The following GRM7 variants were observed in gnomAD, a reference collection of about 807,000 sequenced individuals.
GRM7 encodes the protein metabotropic glutamate receptor 7.
A neutral mutation model predicts 84.5 loss-of-function variants in GRM7; 35 were observed. That is an observed-to-expected ratio of 0.41 (90% CI 0.32 to 0.55). The LOEUF (loss-of-function observed/expected upper bound fraction) is 0.55, where lower values mean the gene tolerates loss of function less well. Ranked by LOEUF, GRM7 falls within the 20% of genes least tolerant of loss-of-function variation. The pLI is 0.19. For missense variants in GRM7, 1,003 were observed against 1,194.6 expected (o/e 0.84, Z 2.36); for synonymous variants, 487 against 455.1 (o/e 1.07, Z -0.89).
chr3:7,360,777 A>G (rs1190719848), intron 4 of GRM7, among the ~76,000 whole-genome samples: 1 of 152,136 alleles, frequency 6.6e-6, no homozygotes, highest in Non-Finnish European at 1.5e-5. Flanking sequence ...TCAAAATGTG[A>G]TAAAGAATGT....
At chr3:7,310,121 G>A (rs1700339636) in intron 4 of GRM7, among the ~76,000 whole-genome samples, 1 of 152,134 alleles carries the variant, frequency 6.6e-6, no homozygotes, top group African/African-American at 2.4e-5. Context: ...GCTGTCCTAG[G>A]CATCCTCTAA....
chr3:7,201,226 C>G (rs1478125122), intron 2 of GRM7, among the ~76,000 whole-genome samples: 3 of 151,970 alleles, frequency 2.0e-5, no homozygotes, highest in Non-Finnish European at 4.4e-5. Context: ...GCCTCGGCCT[C>G]CCAAACATTT....
intron 1 of GRM7, among the ~76,000 whole-genome samples, chr3:6,964,478 G>GC (rs1184116873): frequency 6.6e-6 from 1 of 151,978 alleles, no homozygotes; most frequent in Non-Finnish European, 1.5e-5. Flanking sequence ...CAAACTTCTT[G>GC]CCCCCCATGG....
At chr3:7,040,384 C>A (rs1265441369) in intron 1 of GRM7, among the ~76,000 whole-genome samples, 2 of 151,972 alleles carry the variant, frequency 1.3e-5, no homozygotes, top group African/African-American at 4.8e-5. Context: ...CTCACTGTAA[C>A]CCCTGCCTCC....
chr3:7,448,062 C>G (rs539335832), intron 5 of GRM7, among the ~76,000 whole-genome samples: 38 of 151,854 alleles, frequency 2.5e-4, no homozygotes, highest in African/African-American at 8.2e-4. Flanking sequence ...ATCCATGTCC[C>G]TACAAAGGAC....
At chr3:7,588,861 G>C (rs1354651708) in intron 8 of GRM7, among the ~76,000 whole-genome samples, 1 of 152,186 alleles carries the variant, frequency 6.6e-6, no homozygotes, top group Non-Finnish European at 1.5e-5. Context: ...TCTCACGTTA[G>C]TGATTTATCA....
In GRM7 at chr3:7,138,762, A is replaced by G. The variant is rs180944452; in HGVS notation, c.520-7690A>G. Among the ~76,000 whole-genome samples the G allele has an allele frequency of 3.4e-4, 52 of 151,700 alleles. 1 individual carries two copies. The highest frequency in any genetic ancestry group is 7.4e-5 in the Non-Finnish European group (5 of 67,716). ...GTAAACTGTAAATATATGTTACCAT[A>G]TATCTATATGGTAAGCCTTCATTTA... On this transcript the variant is annotated intron_variant, in intron 1 of 9. Transcript: ENST00000357716.
chr3:7,702,761 C>A (rs1701271225), intron 9 of GRM7, among the ~76,000 whole-genome samples: 1 of 152,154 alleles, frequency 6.6e-6, no homozygotes, highest in Non-Finnish European at 1.5e-5. Context: ...TAATTGCGAA[C>A]AGTAAGTCAG....
intron 9 of GRM7, among the ~76,000 whole-genome samples, chr3:7,732,132 G>A (rs1702353437): frequency 6.6e-6 from 1 of 152,004 alleles, no homozygotes; most frequent in South Asian, 2.1e-4. Context: ...TGCAAGCTCC[G>A]CCTCCCAGGT....
At chr3:7,636,845 G>A (rs182418590) in intron 8 of GRM7, among the ~76,000 whole-genome samples, 13 of 152,270 alleles carry the variant, frequency 8.5e-5, no homozygotes, top group Admixed American at 5.2e-4. Flanking sequence ...GCCCCATCTC[G>A]TGTTGCAGAC....
At position 7,529,578 on chromosome 3, in the gene GRM7, C is replaced by T. The variant is rs1374426416; in HGVS notation, c.1516-48844C>T. The stretch of plus-strand genomic sequence containing the variant: ...CACTTATTGTCAAATGTTCTTGCTC[C>T]ATGGCTTTTTCATAGGCTCTCCTTT... On this transcript the variant is annotated intron_variant, in intron 7 of 9. Coordinates refer to ENST00000357716, the MANE Select transcript of GRM7 (RefSeq NM_000844.4). Among the ~76,000 whole-genome samples, 3 of 152,090 alleles carry T rather than the reference C, an allele frequency of 2.0e-5. No homozygotes were observed. In the East Asian group the frequency reaches 5.8e-4, roughly 29 times the overall value.
At chr3:7,467,336 C>G (rs1455015474) in intron 7 of GRM7, among the ~76,000 whole-genome samples, 2 of 152,160 alleles carry the variant, frequency 1.3e-5, no homozygotes, top group Admixed American at 6.5e-5. Context: ...ATCAGTCCGC[C>G]TGAGCCTCCC....
chr3:6,934,500 A>G (rs921722544), intron 1 of GRM7, among the ~76,000 whole-genome samples: 2 of 152,198 alleles, frequency 1.3e-5, no homozygotes, highest in African/African-American at 4.8e-5. Context: ...TATCTTAAAG[A>G]TTATGGTGCT....
At chr3:7,365,937 A>C (rs1212532932) in intron 4 of GRM7, among the ~76,000 whole-genome samples, 2 of 151,516 alleles carry the variant, frequency 1.3e-5, no homozygotes, top group Non-Finnish European at 3.0e-5. Context: ...AAGTTTCAAC[A>C]TTCTGGGGCC....
chr3:7,071,377 T>G (rs1370655689), intron 1 of GRM7, among the ~76,000 whole-genome samples: 2 of 152,134 alleles, frequency 1.3e-5, no homozygotes, highest in African/African-American at 2.4e-5. Context: ...GGGACAAAAC[T>G]TCCAGGCTCC....
chr3:7,260,948 T>C (rs1698399053), intron 2 of GRM7, among the ~76,000 whole-genome samples: 1 of 152,232 alleles, frequency 6.6e-6, no homozygotes, highest in Non-Finnish European at 1.5e-5. Context: ...AAAGAACTTC[T>C]TGATTTATGT....
At chr3:7,016,926 C>T (rs1450068002) in intron 1 of GRM7, among the ~76,000 whole-genome samples, 1 of 152,110 alleles carries the variant, frequency 6.6e-6, no homozygotes, top group Non-Finnish European at 1.5e-5. Flanking sequence ...ACCCTTGCTC[C>T]TTAACTTGTT....
At chr3:6,997,265 T>A (rs1213438723) in intron 1 of GRM7, among the ~76,000 whole-genome samples, 5 of 152,192 alleles carry the variant, frequency 3.3e-5, no homozygotes, top group African/African-American at 1.2e-4. Context: ...TATTTTATTA[T>A]CTTTAATAGA....
At chr3:7,537,845 C>A (rs1032401822) in intron 7 of GRM7, among the ~76,000 whole-genome samples, 1 of 152,158 alleles carries the variant, frequency 6.6e-6, no homozygotes. Context: ...AATAGGCCCA[C>A]TAAATTGTAA....
Sources: allele counts gnomAD v4.1 joint callset (sites outside exome capture counted in the v4.1 genomes callset), GRCh38; gene constraint gnomAD v4.1.1; transcripts MANE v1.5; gene names NCBI Gene and HGNC (gene_info 2026-07-23, HGNC 2026-07-21).